SEC24A: variants seen among roughly 807,000 people sequenced by gnomAD.
The protein encoded by SEC24A is protein transport protein Sec24A.
SEC24A carries 93 observed loss-of-function variants against 129.4 expected under a neutral mutation model. The observed-to-expected ratio is 0.72, with a 90% CI of 0.61 to 0.85. SEC24A has a LOEUF of 0.85. SEC24A is among the 40% of genes least tolerant of loss of function. The pLI is 0.00. For missense variants in SEC24A, 1,264 were observed against 1,307.4 expected, an observed-to-expected ratio of 0.97 and a Z score of 0.51; for synonymous variants, 460 against 467.3, an observed-to-expected ratio of 0.98 and a Z score of 0.20.
At chr5:134,711,756 CT>C (rs1357207207) in intron 18 of SEC24A, among the ~76,000 whole-genome samples, 1 of 136,422 alleles carries the variant, frequency 7.3e-6, no homozygotes, top group Admixed American at 7.4e-5. Context: ...GTTTTGAACT[CT>C]TTTTTTTTGA....
At position 134,671,858 on chromosome 5, in the gene SEC24A, CGA is replaced by C. The variant is rs1750875682; in HGVS notation, c.790_791del (p.Asp264ArgfsTer3). The part of the protein sequence containing the change: ...NGSMVVHSSY[D>X]EIEGGGLLAT... The stretch of plus-strand genomic sequence containing the variant: ...GATCTATGGTGGTCCACAGTAGTTA[CGA>C]CGAGATTGAAGGAGGTGGCTTATTG... On this transcript the variant is annotated frameshift_variant, in exon 4 of 23. Transcript: ENST00000398844. LOFTEE classifies it high-confidence loss of function. 1 of 1,608,558 alleles carries C rather than the reference CGA, an allele frequency of 6.2e-7. No individual in the cohort carries two copies. The highest frequency in any genetic ancestry group is 1.3e-5 in the African/African-American group (1 of 74,554).
At chr5:134,654,932 G>A (rs559514279) in intron 1 of SEC24A, among the ~76,000 whole-genome samples, 1 of 152,024 alleles carries the variant, frequency 6.6e-6, no homozygotes, top group African/African-American at 2.4e-5. Flanking sequence ...GGCCAGGCTG[G>A]TCTCGAACTC....
intron 11 of SEC24A, among the ~76,000 whole-genome samples, chr5:134,688,971 C>T (rs1161314972): frequency 6.6e-6 from 1 of 152,166 alleles, no homozygotes; most frequent in Non-Finnish European, 1.5e-5. Flanking sequence ...TGAGCCACCA[C>T]CCACAGCCAG....
At chr5:134,709,008 C>A in intron 18 of SEC24A, 120 bp downstream of exon 18, 1 of 899,680 alleles carries the variant, frequency 1.1e-6, no homozygotes, top group Non-Finnish European at 1.7e-6. Context: ...GCATTTGAGA[C>A]CAGCCTGGGC....
intron 11 of SEC24A, 144 bp from the exon 12 acceptor site, chr5:134,692,458 T>G (rs1751689733): frequency 5.7e-6 from 3 of 528,962 alleles, no homozygotes. Flanking sequence ...GGTGGTTCTT[T>G]GGACACATGT....
chr5:134,657,180 A>ACG (rs1210267194), intron 1 of SEC24A, among the ~76,000 whole-genome samples: 5 of 141,870 alleles, frequency 3.5e-5, no homozygotes, highest in African/African-American at 8.8e-5. Flanking sequence ...TTTCTGAAAA[A>ACG]CGCACACACA....
intron 1 of SEC24A, among the ~76,000 whole-genome samples, chr5:134,656,465 C>G (rs1233372044): frequency 1.3e-5 from 2 of 151,786 alleles, no homozygotes; most frequent in African/African-American, 2.4e-5. Flanking sequence ...TCTTCGATCT[C>G]TCTTCCCTTT....
intron 12 of SEC24A, 189 bp downstream of exon 12, chr5:134,692,846 T>A: frequency 1.4e-6 from 1 of 702,206 alleles, no homozygotes; most frequent in Non-Finnish European, 2.5e-6. Flanking sequence ...TTAAGTCTAA[T>A]GAAGCAAGTT....
chr5:134,705,066 ATATT>A (rs1448598222), intron 16 of SEC24A, among the ~76,000 whole-genome samples: 1 of 124,968 alleles, frequency 8.0e-6, no homozygotes, highest in Non-Finnish European at 1.7e-5. Context: ...ATTTATATTT[ATATT>A]TATATATATA....
At chr5:134,671,973 T>A in intron 4 of SEC24A, 87 bp downstream of exon 4, 1 of 804,202 alleles carries the variant, frequency 1.2e-6, no homozygotes, top group Non-Finnish European at 2.1e-6. Context: ...TATAGGAAAC[T>A]AAGAGGGAAA....
intron 10 of SEC24A, among the ~76,000 whole-genome samples, chr5:134,687,235 T>G (rs919306733): frequency 2.0e-5 from 3 of 152,204 alleles, no homozygotes; most frequent in Non-Finnish European, 4.4e-5. Context: ...CATACTGTTT[T>G]ACCTATACGT....
intron 17 of SEC24A, among the ~76,000 whole-genome samples, chr5:134,707,358 CT>C (rs1752195503): frequency 6.6e-6 from 1 of 150,534 alleles, no homozygotes; most frequent in Admixed American, 6.6e-5. Flanking sequence ...GAGGTGGAGT[CT>C]CACTCTATCG....
chr5:134,712,251 A>G (rs1013907791), intron 18 of SEC24A, among the ~76,000 whole-genome samples: 1 of 146,972 alleles, frequency 6.8e-6, no homozygotes, highest in African/African-American at 2.5e-5. Flanking sequence ...TACAGTTCTC[A>G]TTTCTTTTTT....
intron 15 of SEC24A, among the ~76,000 whole-genome samples, chr5:134,700,326 C>T (rs1751967681): frequency 6.6e-6 from 1 of 151,716 alleles, no homozygotes; most frequent in African/African-American, 2.4e-5. Flanking sequence ...CTCAAGCAAT[C>T]CTCTTAGCTC....
At chr5:134,688,621 T>C (rs1200091924) in intron 11 of SEC24A, among the ~76,000 whole-genome samples, 1 of 152,152 alleles carries the variant, frequency 6.6e-6, no homozygotes, top group Non-Finnish European at 1.5e-5. Context: ...AGCAAGGAAA[T>C]AGAATTGAGA....
chr5:134,654,104 A>AGT (rs1315218975), intron 1 of SEC24A, among the ~76,000 whole-genome samples: 1 of 151,952 alleles, frequency 6.6e-6, no homozygotes, highest in Non-Finnish European at 1.5e-5. Context: ...GGCTGCAATG[A>AGT]GCCATGATCA....
intron 16 of SEC24A, among the ~76,000 whole-genome samples, chr5:134,705,092 T>TATA (rs1561828092): frequency 1.4e-3 from 145 of 106,180 alleles, no homozygotes; most frequent in East Asian, 4.6e-3. Context: ...ATATATATAT[T>TATA]TTTTTTTTTT....
chr5:134,652,284 C>T (rs772759288), intron 1 of SEC24A, among the ~76,000 whole-genome samples: 5 of 151,810 alleles, frequency 3.3e-5, no homozygotes, highest in Non-Finnish European at 7.4e-5. Context: ...ATTAGATCTT[C>T]AGTTTGCTTT....
chr5:134,682,653 C>T (rs1751316039), intron 9 of SEC24A, among the ~76,000 whole-genome samples, 171 bp downstream of exon 9: 1 of 152,138 alleles, frequency 6.6e-6, no homozygotes, highest in Non-Finnish European at 1.5e-5. Context: ...AGGCTCACTG[C>T]AGCCTCGACC....
Sources: allele counts gnomAD v4.1 joint callset (sites outside exome capture counted in the v4.1 genomes callset), GRCh38; gene constraint gnomAD v4.1.1; transcripts MANE v1.5; gene names NCBI Gene and HGNC (gene_info 2026-07-23, HGNC 2026-07-21).